Variants in TECPR2 observed in about 807,000 individuals in gnomAD.
TECPR2 encodes tectonin beta-propeller repeat containing 2, also known as tectonin beta-propeller repeat-containing protein 2.
Under a neutral mutation model 138.1 loss-of-function variants are expected in TECPR2, and 65 were observed. The observed-to-expected ratio is 0.47, with a 90% CI of 0.39 to 0.58. TECPR2 has a LOEUF of 0.58. Ranked by LOEUF, TECPR2 falls within the 20% of genes least tolerant of loss-of-function variation. TECPR2 has a pLI of 0.00. For synonymous variants in TECPR2, 746 were observed against 749.8 expected (o/e 0.99, Z 0.08); for missense variants, 1,553 against 1,824.5 (o/e 0.85, Z 2.71).
In TECPR2 at chr14:102,435,193, G is replaced by C; in HGVS notation, c.2376G>C (p.Gly792=). The change falls in exon 9 of 20, where the codon GGG becomes GGC. Residue 792 remains glycine (G), a synonymous_variant. Transcript: ENST00000359520. ...GCCGGCTGGGTGCAGAGGACGCCGG[G>C]CTGCTCAAGCCAGATCAGGTATGTG... ...DLSRLGAEDA[G]LLKPDQFAES... The C allele has an allele frequency of 6.2e-7, 1 of 1,610,694 alleles. No homozygotes were observed. Among genetic ancestry groups the C allele is most frequent in the South Asian group, 1.1e-5 (1 of 91,026 alleles).
chr14:102,443,506 T>A lies in TECPR2; in HGVS notation c.2753-141T>A. The A allele has an allele frequency of 1.4e-6, 1 of 721,322 alleles. No homozygotes were observed. 44.7% of individuals were successfully genotyped at this position (721,322 alleles called of 1,614,324 possible). ...TCTATATTTTTAATTAATTAATTAA[T>A]TAAAGTTTTTTTTTAAAGCACTCAT... On this transcript the variant is annotated intron_variant, in intron 11 of 19. Coordinates refer to ENST00000359520, the MANE Select transcript of TECPR2 (RefSeq NM_014844.5). This position sits in a 1 kb window ranked among gnomAD's most constrained non-coding sequence, Gnocchi z 4.9.
At chr14:102,366,024 T>C (rs1459897429) in intron 1 of TECPR2, among the ~76,000 whole-genome samples, 1 of 152,200 alleles carries the variant, frequency 6.6e-6, no homozygotes, top group East Asian at 1.9e-4. Context: ...GGGATACAAA[T>C]TGTTGCTTCC....
Position 102,446,808 on chromosome 14 carries a change from CTTAA to C in TECPR2, c.3075+864_3075+867del, listed in dbSNP as rs568712371. Among the ~76,000 whole-genome samples, 67 of 152,196 alleles carry C rather than the reference CTTAA, an allele frequency of 4.4e-4. No individual in the cohort carries two copies. The South Asian group carries it at 8.9e-3, about 20-fold the overall frequency. ...GCAAACTCTTTGTGTAAATAATGCA[CTTAA>C]TTTATTTATTTTGATATTGTTTATA... On this transcript the variant is annotated intron_variant, in intron 13 of 19. Coordinates refer to ENST00000359520, the MANE Select transcript of TECPR2 (RefSeq NM_014844.5).
intron 17 of TECPR2, among the ~76,000 whole-genome samples, chr14:102,471,880 C>G (rs1890658454): frequency 6.6e-6 from 1 of 152,142 alleles, no homozygotes; most frequent in African/African-American, 2.4e-5. Context: ...GTTACTTCCT[C>G]CACACATTCT....
chr14:102,393,966 G>T (rs1249343767), intron 2 of TECPR2, among the ~76,000 whole-genome samples: 2 of 152,138 alleles, frequency 1.3e-5, no homozygotes, highest in South Asian at 2.1e-4. Flanking sequence ...AATTCCTGAT[G>T]AGTTCATTTT....
intron 16 of TECPR2, among the ~76,000 whole-genome samples, chr14:102,455,633 C>T (rs142264924): frequency 0.042 from 6,352 of 150,534 alleles, 157 homozygotes; most frequent in Middle Eastern, 0.094. Flanking sequence ...TTTTTTGAGA[C>T]GGAGTTTCGC....
At chr14:102,395,573 G>A (rs747571532) in intron 2 of TECPR2, among the ~76,000 whole-genome samples, 2 of 152,230 alleles carry the variant, frequency 1.3e-5, no homozygotes, top group Non-Finnish European at 2.9e-5. Flanking sequence ...GTTGAGGCAG[G>A]TGGATCACAA....
chr14:102,370,967 GTGTC>G (rs1296060171), intron 1 of TECPR2, among the ~76,000 whole-genome samples: 4 of 152,200 alleles, frequency 2.6e-5, no homozygotes, highest in Non-Finnish European at 5.9e-5. Flanking sequence ...AGATAGGTAA[GTGTC>G]TTTGACATTG....
intron 17 of TECPR2, among the ~76,000 whole-genome samples, chr14:102,496,361 G>A (rs995832793): frequency 2.0e-5 from 3 of 152,230 alleles, no homozygotes; most frequent in African/African-American, 4.8e-5. Context: ...TGGAGTTGCC[G>A]GTGGACAGCA....
intron 5 of TECPR2, among the ~76,000 whole-genome samples, chr14:102,417,229 A>C (rs1889049991): frequency 6.6e-6 from 1 of 152,216 alleles, no homozygotes; most frequent in African/African-American, 2.4e-5. Context: ...ACAGAATAAG[A>C]GGAAATGTTT....
At chr14:102,371,429 A>G (rs1265639877) in intron 1 of TECPR2, among the ~76,000 whole-genome samples, 1 of 152,130 alleles carries the variant, frequency 6.6e-6, no homozygotes, top group South Asian at 2.1e-4. Flanking sequence ...TGCTCCTCCT[A>G]TCTGAATGGT....
intron 7 of TECPR2, 119 bp from the exon 8 acceptor site, chr14:102,431,677 A>G: frequency 2.9e-6 from 3 of 1,032,996 alleles, no homozygotes; most frequent in Non-Finnish European, 4.2e-6. Context: ...AGAATCATTC[A>G]GTTCTTTAGC....
Position 102,499,012 on chromosome 14 carries a change from A to ACCGTACCTCG in TECPR2, c.*758_*767dup. 1.4e-6 allele frequency: 1 copy of ACCGTACCTCG among 697,732 alleles called. No individual in the cohort carries two copies. Among genetic ancestry groups the ACCGTACCTCG allele is most frequent in the Non-Finnish European group, 2.6e-6 (1 of 383,224 alleles). 43.2% of individuals were successfully genotyped at this position (697,732 alleles called of 1,614,324 possible). On this transcript the variant is annotated 3_prime_UTR_variant, in exon 20 of 20. Transcript: ENST00000359520. ...ACCGCACTGCACCGCACCGCACCGC[A>ACCGTACCTCG]CCGTACCTCGCCACATCTCACCACA...
intron 10 of TECPR2, 64 bp downstream of exon 10, chr14:102,438,269 C>A (rs1250737894): frequency 1.3e-6 from 2 of 1,538,272 alleles, no homozygotes; most frequent in Non-Finnish European, 1.7e-6. Context: ...TCCCCGCCCC[C>A]GGGGTGCAGA....
intron 4 of TECPR2, among the ~76,000 whole-genome samples, chr14:102,410,655 C>T (rs1888819203): frequency 6.6e-6 from 1 of 152,134 alleles, no homozygotes; most frequent in African/African-American, 2.4e-5. Flanking sequence ...TTTTGTTAGG[C>T]CCCAGTCTCA....
At chr14:102,390,476 G>A (rs1888138525) in intron 2 of TECPR2, among the ~76,000 whole-genome samples, 1 of 152,082 alleles carries the variant, frequency 6.6e-6, no homozygotes, top group Non-Finnish European at 1.5e-5. Flanking sequence ...AGACAGAATG[G>A]CTCCCTGGCT....
chr14:102,490,490 A>G (rs564180690), intron 17 of TECPR2, among the ~76,000 whole-genome samples: 7 of 152,316 alleles, frequency 4.6e-5, no homozygotes, highest in African/African-American at 7.2e-5. Flanking sequence ...GAGTTTGCCA[A>G]CTTTTCAAGC....
Position 102,452,446 on chromosome 14 carries a change from C to G in TECPR2, c.3459C>G (p.Ala1153=). The change falls in exon 16 of 20, where the codon GCC becomes GCG. Residue 1153 remains alanine (A), a synonymous_variant. Transcript: ENST00000359520. ...GCAAGGACCTGTGCAGCGTCAGCGC[C>G]CAGAGCGCACAGTCGCGGCCCTCCA... ...QSSKDLCSVS[A]QSAQSRPSTV... 6.2e-7 allele frequency: 1 copy of G among 1,613,710 alleles called. No homozygotes were observed. Among genetic ancestry groups the G allele is most frequent in the Non-Finnish European group, 8.5e-7 (1 of 1,179,800 alleles).
At chr14:102,368,380 T>A (rs985456758) in intron 1 of TECPR2, among the ~76,000 whole-genome samples, 4 of 152,236 alleles carry the variant, frequency 2.6e-5, no homozygotes, top group Admixed American at 2.0e-4. Flanking sequence ...TTGTCTTTTG[T>A]TGTTGTTTTG....
Sources: gnomAD v4.1 joint callset for allele counts (sites outside exome capture counted in the v4.1 genomes callset) on GRCh38, gnomAD v4.1.1 for gene constraint, Gnocchi (gnomAD v3.1) non-coding constraint, MANE v1.5 for transcripts, NCBI Gene and HGNC (gene_info 2026-07-23, HGNC 2026-07-21) for gene names.